TAFA4: variants seen among roughly 807,000 people sequenced by gnomAD.
TAFA4 encodes the protein TAFA chemokine like family member 4.
A neutral mutation model predicts 21.1 loss-of-function variants in TAFA4; 20 were observed. The observed-to-expected ratio is 0.95, with a 90% CI of 0.67 to 1.38. The LOEUF (loss-of-function observed/expected upper bound fraction) is 1.38. Among genes scored for constraint, TAFA4 ranks in the 40% most tolerant of loss-of-function variants. The pLI is 0.00. For missense variants in TAFA4, 211 were observed against 180.9 expected (o/e 1.17, Z -0.95); for synonymous variants, 71 against 67.4 (o/e 1.05, Z -0.26).
chr3:68,903,594 A>G (rs1445523299), intron 1 of TAFA4, among the ~76,000 whole-genome samples: 1 of 152,190 alleles, frequency 6.6e-6, no homozygotes, highest in Non-Finnish European at 1.5e-5. Flanking sequence ...TTTGATCACT[A>G]CATTTCCATA....
At chr3:68,768,970 A>G (rs1266185906) in intron 3 of TAFA4, among the ~76,000 whole-genome samples, 1 of 152,194 alleles carries the variant, frequency 6.6e-6, no homozygotes, top group East Asian at 1.9e-4. Context: ...AGATTCGTCA[A>G]TGGCTACAAA....
intron 3 of TAFA4, among the ~76,000 whole-genome samples, chr3:68,808,533 T>G (rs1252307433): frequency 6.6e-6 from 1 of 152,220 alleles, no homozygotes; most frequent in African/African-American, 2.4e-5. Context: ...CCTACTTTTT[T>G]TCCTAATATG....
chr3:68,847,258 T>G (rs1206966300), intron 3 of TAFA4, among the ~76,000 whole-genome samples: 1 of 152,226 alleles, frequency 6.6e-6, no homozygotes, highest in Admixed American at 6.5e-5. Flanking sequence ...TACAGTGGCT[T>G]TTCTGAGCTG....
intron 3 of TAFA4, among the ~76,000 whole-genome samples, chr3:68,822,147 T>TAA (rs139334966): frequency 6.6e-6 from 1 of 152,076 alleles, no homozygotes; most frequent in Non-Finnish European, 1.5e-5. Context: ...TTGACTTTTT[T>TAA]AAAAAAAATG....
intron 3 of TAFA4, among the ~76,000 whole-genome samples, chr3:68,792,826 G>T (rs1004189843): frequency 1.3e-5 from 2 of 152,262 alleles, no homozygotes; most frequent in African/African-American, 2.4e-5. Flanking sequence ...AAACAACTTT[G>T]CTTCCATTCC....
At chr3:68,826,527 C>A (rs1207409955) in intron 3 of TAFA4, among the ~76,000 whole-genome samples, 3 of 147,202 alleles carry the variant, frequency 2.0e-5, no homozygotes, top group Non-Finnish European at 4.4e-5. Flanking sequence ...GAGCCGAGAT[C>A]GCGCCACCGC....
chr3:68,854,567 T>G (rs1038315233), intron 3 of TAFA4, among the ~76,000 whole-genome samples: 1 of 152,136 alleles, frequency 6.6e-6, no homozygotes, highest in Non-Finnish European at 1.5e-5. Context: ...TGAAATGTCA[T>G]ACAGTTCCAC....
At chr3:68,894,570 G>A (rs1045710267) in intron 1 of TAFA4, among the ~76,000 whole-genome samples, 1 of 152,294 alleles carries the variant, frequency 6.6e-6, no homozygotes. Context: ...CATTATACTG[G>A]GACATGCTGG....
At chr3:68,837,952 C>T (rs956759580) in intron 3 of TAFA4, among the ~76,000 whole-genome samples, 4 of 151,792 alleles carry the variant, frequency 2.6e-5, no homozygotes, top group African/African-American at 9.7e-5. Flanking sequence ...ATGTATACAT[C>T]GTGGAATCTC....
intron 3 of TAFA4, among the ~76,000 whole-genome samples, chr3:68,879,667 T>A (rs1332471755): frequency 1.3e-5 from 2 of 152,166 alleles, no homozygotes; most frequent in Admixed American, 6.5e-5. Context: ...AACTGTCACT[T>A]GAGGAGGGAA....
At chr3:68,890,112 A>G (rs2089715986) in intron 1 of TAFA4, among the ~76,000 whole-genome samples, 1 of 152,242 alleles carries the variant, frequency 6.6e-6, no homozygotes, top group Non-Finnish European at 1.5e-5. Flanking sequence ...AAAGAGGCAA[A>G]TGCCTCCCAT....
chr3:68,765,935 A>AT (rs1702845579), intron 3 of TAFA4, among the ~76,000 whole-genome samples: 1 of 152,164 alleles, frequency 6.6e-6, no homozygotes, highest in Non-Finnish European at 1.5e-5. Context: ...CAGTGTACTC[A>AT]AAAATAAGTC....
At position 68,835,009 on chromosome 3, in the gene TAFA4, A is replaced by T. The variant is rs376541935; in HGVS notation, c.130+45721T>A. Reference sequence around the variant, plus strand: ...CAGGATAGAAGCCAAAATCTTCACAATGGCCTACACATGCAGGGGTGGGAA... The same window carrying T: ...CAGGATAGAAGCCAAAATCTTCACATTGGCCTACACATGCAGGGGTGGGAA... On this transcript the variant is annotated intron_variant, in intron 3 of 5. Transcript: ENST00000295569. 2.3e-4 allele frequency among the ~76,000 whole-genome samples: 35 copies of T among 152,214 alleles called. No individual in the cohort carries two copies. The East Asian group carries it at 3.9e-3, about 17-fold the overall frequency.
At chr3:68,905,797 A>T (rs2089894523) in intron 1 of TAFA4, among the ~76,000 whole-genome samples, 1 of 152,206 alleles carries the variant, frequency 6.6e-6, no homozygotes, top group South Asian at 2.1e-4. Flanking sequence ...CAGGGGGTAA[A>T]CGTACCATGG....
chr3:68,917,356 T>C (rs1174971779), intron 1 of TAFA4, among the ~76,000 whole-genome samples: 1 of 152,200 alleles, frequency 6.6e-6, no homozygotes, highest in Non-Finnish European at 1.5e-5. Flanking sequence ...TTCTACAGTT[T>C]GAGTTTTTAG....
At chr3:68,863,881 CAA>C (rs1322231609) in intron 3 of TAFA4, among the ~76,000 whole-genome samples, 1 of 151,980 alleles carries the variant, frequency 6.6e-6, no homozygotes, top group Non-Finnish European at 1.5e-5. Context: ...ACCTAAGTAA[CAA>C]GAGAACAATG....
chr3:68,865,503 C>G, intron 3 of TAFA4, among the ~76,000 whole-genome samples: 1 of 152,080 alleles, frequency 6.6e-6, no homozygotes, highest in Non-Finnish European at 1.5e-5. Context: ...CCTGGCACAT[C>G]TCTTTTGCCT....
In TAFA4 at chr3:68,850,730, G is replaced by GTT. The variant is rs111820322; in HGVS notation, c.130+29998_130+29999dup. The stretch of plus-strand genomic sequence containing the variant: ...GTGTCCTTTGCCCATTTTTAACAGG[G>GTT]TTTTTTTTTTCTTGTATATTTATTT... On this transcript the variant is annotated intron_variant, in intron 3 of 5. Transcript: ENST00000295569. Among the ~76,000 whole-genome samples, 548 of 149,734 alleles carry GTT rather than the reference G, an allele frequency of 3.7e-3. 4 individuals are homozygous for GTT. Among genetic ancestry groups the GTT allele is most frequent in the African/African-American group, 0.012 (479 of 40,822 alleles).
chr3:68,849,305 G>A (rs1309980866), intron 3 of TAFA4, among the ~76,000 whole-genome samples: 1 of 152,136 alleles, frequency 6.6e-6, no homozygotes, highest in Non-Finnish European at 1.5e-5. Flanking sequence ...ATCTGAATGG[G>A]CTCTGTGAAA....
Sources: allele counts gnomAD v4.1 joint callset (sites outside exome capture counted in the v4.1 genomes callset), GRCh38; gene constraint gnomAD v4.1.1; transcripts MANE v1.5; gene names NCBI Gene and HGNC (gene_info 2026-07-23, HGNC 2026-07-21).